GALP: variants seen among roughly 807,000 people sequenced by gnomAD.
GALP encodes the protein galanin-like peptide.
In GALP, 12 loss-of-function variants were observed where a neutral mutation model predicts 15.2. That is an observed-to-expected ratio of 0.79 (90% CI 0.51 to 1.28). The LOEUF is 1.28. GALP is among the 50% of genes most tolerant of loss of function. GALP has a pLI of 0.00. For synonymous variants in GALP, 58 were observed against 55.1 expected (o/e 1.05, Z -0.23); for missense variants, 161 against 145.6 (o/e 1.11, Z -0.55).
intron 2 of GALP, among the ~76,000 whole-genome samples, chr19:56,178,239 G>T (rs1299431460): frequency 2.6e-5 from 4 of 151,448 alleles, no homozygotes; most frequent in Non-Finnish European, 5.9e-5. Context: ...CAAGATTAGA[G>T]AATTGCTTGA....
At chr19:56,176,379 G>A (rs1417429018) in intron 1 of GALP, among the ~76,000 whole-genome samples, 1 of 72,722 alleles carries the variant, frequency 1.4e-5, no homozygotes, top group Middle Eastern at 0.01. Flanking sequence ...GCCTAGGCCA[G>A]GAGGGCAGAG....
At chr19:56,184,978 G>A (rs961916041) in intron 5 of GALP, among the ~76,000 whole-genome samples, 4 of 152,136 alleles carry the variant, frequency 2.6e-5, no homozygotes, top group East Asian at 1.9e-4. Context: ...AAATGTGGGC[G>A]GAAAGGGAGA....
intron 1 of GALP, 50 bp from the exon 2 acceptor site, chr19:56,177,020 A>G: frequency 2.2e-6 from 2 of 894,534 alleles, no homozygotes; most frequent in Non-Finnish European, 3.6e-6. Flanking sequence ...CTTATCGGAA[A>G]TGCACCTGGC....
At chr19:56,178,150 G>A (rs1416724680) in intron 2 of GALP, among the ~76,000 whole-genome samples, 1 of 138,674 alleles carries the variant, frequency 7.2e-6, no homozygotes, top group Non-Finnish European at 1.5e-5. Context: ...CATTTAAAAT[G>A]CAGTTTTTTT....
chr19:56,184,203 G>T (rs945481261), intron 5 of GALP, among the ~76,000 whole-genome samples: 1 of 152,056 alleles, frequency 6.6e-6, no homozygotes, highest in Admixed American at 6.6e-5. Context: ...TGATCTGCCC[G>T]CCTTGGCCTC....
At chr19:56,178,462 CAAACAA>C (rs1028509428) in intron 2 of GALP, among the ~76,000 whole-genome samples, 2 of 119,430 alleles carry the variant, frequency 1.7e-5, no homozygotes, top group African/African-American at 3.3e-5. Flanking sequence ...TAACCCATCT[CAAACAA>C]AAACAAAAAC....
rs556257051 is a variant in GALP at position 56,177,107 on chromosome 19, C to G, written c.-2C>G. 6.2e-7 allele frequency: 1 copy of G among 1,612,360 alleles called. No homozygotes were observed. The highest frequency in any genetic ancestry group is 8.5e-7 in the Non-Finnish European group (1 of 1,179,256). ...CTGTAGGCACCTGTCGTCCTGCCTTCGATGGCTCCTCCCTCCGTCCCCCTG... is the reference window on the plus strand; with the variant it reads ...CTGTAGGCACCTGTCGTCCTGCCTTGGATGGCTCCTCCCTCCGTCCCCCTG... On this transcript the variant is annotated 5_prime_UTR_variant, in exon 2 of 6. Coordinates refer to ENST00000357330, the MANE Select transcript of GALP (RefSeq NM_033106.4).
intron 2 of GALP, among the ~76,000 whole-genome samples, chr19:56,180,201 AC>A (rs2032539496): frequency 6.6e-6 from 1 of 152,010 alleles, no homozygotes; most frequent in Non-Finnish European, 1.5e-5. Context: ...CATGAGCACC[AC>A]CCCCAGGCTT....
chr19:56,177,526 A>AAG (rs35981422), intron 2 of GALP, among the ~76,000 whole-genome samples: 28,760 of 146,420 alleles, frequency 0.2, 3,729 homozygotes, highest in African/African-American at 0.36. Flanking sequence ...AAAAAAAAAA[A>AAG]AAGAAGAAAT....
rs765181454 is a variant in GALP, at chr19:56,183,100, G to A, written c.218-35G>A. ...TCGTTTAGCTCCCACTTGTAACTAC[G>A]AACGTGTGTGTGAATGTTGTATTTT... On this transcript the variant is annotated intron_variant, in intron 4 of 5. Coordinates refer to ENST00000357330, the MANE Select transcript of GALP (RefSeq NM_033106.4). The A allele has an allele frequency of 8.9e-6, 13 of 1,459,858 alleles. No homozygotes were observed. The South Asian group carries it at 1.0e-4, about 12-fold the overall frequency. 90.4% of individuals were successfully genotyped at this position (1,459,858 alleles called of 1,614,324 possible).
chr19:56,178,759 C>T (rs577497506), intron 2 of GALP, among the ~76,000 whole-genome samples: 134 of 152,278 alleles, frequency 8.8e-4, no homozygotes, highest in Non-Finnish European at 1.6e-3. Flanking sequence ...GTGTGAAACC[C>T]GTGATGTGAA....
At chr19:56,178,875 A>T (rs1332012287) in intron 2 of GALP, among the ~76,000 whole-genome samples, 1 of 152,158 alleles carries the variant, frequency 6.6e-6, no homozygotes, top group Non-Finnish European at 1.5e-5. Context: ...CATCCTCCTT[A>T]AGAGTCTGGA....
At chr19:56,180,481 C>T in intron 2 of GALP, 105 bp from the exon 3 acceptor site, 1 of 922,748 alleles carries the variant, frequency 1.1e-6, no homozygotes, top group Non-Finnish European at 1.8e-6. Flanking sequence ...ACCTGCTCCA[C>T]AGGCCAGTGG....
At chr19:56,178,976 A>G (rs1414957675) in intron 2 of GALP, among the ~76,000 whole-genome samples, 1 of 152,124 alleles carries the variant, frequency 6.6e-6, no homozygotes, top group Admixed American at 6.5e-5. Flanking sequence ...GGAGTTTGAG[A>G]CCAGCTTGGC....
In GALP at chr19:56,182,155, TCTCC is replaced by T. The variant is rs1764008650; in HGVS notation, c.137-10_137-7del. 1.9e-6 allele frequency: 3 copies of T among 1,597,060 alleles called. No individual in the cohort carries two copies. Among genetic ancestry groups the T allele is most frequent in the African/African-American group, 1.3e-5 (1 of 74,676 alleles). ...CTTAACCGACCACCTGCTCTTGCTC[TCTCC>T]CTCCCTACCCAGTCCTCCACCTTCC... On this transcript the variant is annotated splice_polypyrimidine_tract_variant and intron_variant, in intron 3 of 5. Transcript: ENST00000357330.
At chr19:56,177,967 C>G (rs1392080082) in intron 2 of GALP, among the ~76,000 whole-genome samples, 1 of 152,074 alleles carries the variant, frequency 6.6e-6, no homozygotes, top group Admixed American at 6.6e-5. Context: ...AGCATGGTGG[C>G]TGTTGTTCAT....
At chr19:56,178,760 G>A (rs1358767464) in intron 2 of GALP, among the ~76,000 whole-genome samples, 2 of 152,290 alleles carry the variant, frequency 1.3e-5, no homozygotes, top group African/African-American at 4.8e-5. Flanking sequence ...TGTGAAACCC[G>A]TGATGTGAAT....
intron 4 of GALP, 49 bp from the exon 5 acceptor site, chr19:56,183,086 C>T (rs1280445714): frequency 7.5e-7 from 1 of 1,326,576 alleles, no homozygotes; most frequent in Non-Finnish European, 1.1e-6. Context: ...CGTTTAGCTC[C>T]CACTTGTAAC....
chr19:56,184,595 T>C (rs978142627), intron 5 of GALP, among the ~76,000 whole-genome samples: 1 of 149,460 alleles, frequency 6.7e-6, no homozygotes, highest in African/African-American at 2.5e-5. Flanking sequence ...GCCATTCTCC[T>C]GCCTCAGCCT....
Sources: allele counts gnomAD v4.1 joint callset (sites outside exome capture counted in the v4.1 genomes callset), GRCh38; gene constraint gnomAD v4.1.1; transcripts MANE v1.5; gene names NCBI Gene and HGNC (gene_info 2026-07-23, HGNC 2026-07-21).